The following ACVR1C variants were observed in gnomAD, a reference collection of about 807,000 sequenced individuals.
ACVR1C encodes activin receptor type-1C.
ACVR1C carries 23 observed loss-of-function variants against 57.9 expected under a neutral mutation model. The ratio of observed to expected loss-of-function variants is 0.40; its 90% CI spans 0.29 to 0.56. The LOEUF is 0.56. ACVR1C is among the 20% of genes least tolerant of loss of function. The pLI is 0.50. For missense variants in ACVR1C, 480 were observed against 607.9 expected (o/e 0.79, Z 2.21); for synonymous variants, 214 against 215.3 (o/e 0.99, Z 0.05).
chr2:157,599,213 A>G (rs1048772990), intron 1 of ACVR1C, among the ~76,000 whole-genome samples: 1 of 148,874 alleles, frequency 6.7e-6, no homozygotes, highest in Non-Finnish European at 1.5e-5. Flanking sequence ...GGGCGCCTAC[A>G]GTCCCAGGTA....
chr2:157,567,310 T>A (rs1356828137), intron 2 of ACVR1C, among the ~76,000 whole-genome samples: 1 of 106,274 alleles, frequency 9.4e-6, no homozygotes, highest in African/African-American at 4.3e-5. Context: ...ACCGAGCACC[T>A]CTCCTCCTCC....
At chr2:157,535,983 A>G (rs1206115989) in intron 8 of ACVR1C, among the ~76,000 whole-genome samples, 1 of 152,196 alleles carries the variant, frequency 6.6e-6, no homozygotes, top group Non-Finnish European at 1.5e-5. Flanking sequence ...CTTGGCACAT[A>G]CAAAGAGTCT....
At chr2:157,588,536 C>T (rs1558988776) in intron 1 of ACVR1C, among the ~76,000 whole-genome samples, 1 of 151,602 alleles carries the variant, frequency 6.6e-6, no homozygotes, top group Non-Finnish European at 1.5e-5. Flanking sequence ...TACCCATCAC[C>T]CAAATGGTGT....
intron 1 of ACVR1C, among the ~76,000 whole-genome samples, chr2:157,595,006 G>T (rs1053245485): frequency 2.0e-5 from 3 of 152,188 alleles, no homozygotes; most frequent in Admixed American, 2.0e-4. Flanking sequence ...TAGCATTTCT[G>T]CTTATCAGCG....
intron 4 of ACVR1C, among the ~76,000 whole-genome samples, chr2:157,546,781 T>C (rs559255075): frequency 2.0e-5 from 3 of 152,140 alleles, no homozygotes; most frequent in Non-Finnish European, 4.4e-5. Flanking sequence ...CAAGCATGGG[T>C]ACAATATTTT....
intron 1 of ACVR1C, among the ~76,000 whole-genome samples, chr2:157,607,686 T>C (rs185917406): frequency 1.3e-5 from 2 of 151,858 alleles, no homozygotes; most frequent in African/African-American, 4.8e-5. Flanking sequence ...TTTCACATTC[T>C]TGGTTAAGTT....
rs79260438 is a variant in ACVR1C, at chr2:157,590,755, C to T, written c.74-3338G>A. On this transcript the variant is annotated intron_variant, in intron 1 of 8. Coordinates refer to ENST00000243349, the MANE Select transcript of ACVR1C (RefSeq NM_145259.3). ...TTAGAACATGTTTCAAGGCACTTTCCTTGCAAAAAGAGAAGTCATATCATG... is the reference window on the plus strand; with the variant it reads ...TTAGAACATGTTTCAAGGCACTTTCTTTGCAAAAAGAGAAGTCATATCATG... Among the ~76,000 whole-genome samples the T allele has an allele frequency of 9.2e-5, 14 of 151,940 alleles. No homozygotes were observed. The East Asian group carries it at 2.5e-3, about 27-fold the overall frequency.
intron 3 of ACVR1C, among the ~76,000 whole-genome samples, chr2:157,552,128 T>TTTTG (rs769268253): frequency 9.2e-5 from 14 of 152,174 alleles, no homozygotes; most frequent in South Asian, 2.1e-4. Context: ...TGTTGGTTTG[T>TTTTG]TTTGTTTGTT....
At chr2:157,536,696 G>T (rs1453935192) in intron 8 of ACVR1C, among the ~76,000 whole-genome samples, 1 of 152,124 alleles carries the variant, frequency 6.6e-6, no homozygotes, top group Admixed American at 6.5e-5. Context: ...GTCAGAAAAT[G>T]ATTTGAGAGG....
In ACVR1C at chr2:157,531,049, C is replaced by G. The variant is rs1687339553; in HGVS notation, c.*2869G>C. ...GTAAGGAGTAAAGAACACTGATACTCTGAACATAACCTAAGGAGAATTTTT... is the reference window on the plus strand; with the variant it reads ...GTAAGGAGTAAAGAACACTGATACTGTGAACATAACCTAAGGAGAATTTTT... On this transcript the variant is annotated 3_prime_UTR_variant, in exon 9 of 9. Coordinates refer to ENST00000243349, the MANE Select transcript of ACVR1C (RefSeq NM_145259.3). 6.6e-6 allele frequency: 1 copy of G among 151,394 alleles called. No homozygotes were observed. Among genetic ancestry groups the G allele is most frequent in the African/African-American group, 2.4e-5 (1 of 41,206 alleles). 9.4% of individuals were successfully genotyped at this position (151,394 alleles called of 1,614,324 possible). A position where few individuals can be genotyped will look rare whatever the true frequency, so the allele number is the denominator to read the frequency against.
chr2:157,554,685 A>G (rs1424933947), intron 3 of ACVR1C, among the ~76,000 whole-genome samples: 1 of 152,186 alleles, frequency 6.6e-6, no homozygotes, highest in South Asian at 2.1e-4. Flanking sequence ...CATGCTAAAT[A>G]TGGATGCACA....
At chr2:157,546,218 G>A (rs1288884544) in intron 4 of ACVR1C, among the ~76,000 whole-genome samples, 1 of 152,172 alleles carries the variant, frequency 6.6e-6, no homozygotes, top group Non-Finnish European at 1.5e-5. Flanking sequence ...GATTAGGAGG[G>A]AAAAGAAAAC....
At chr2:157,605,121 C>A (rs1409897974) in intron 1 of ACVR1C, among the ~76,000 whole-genome samples, 1 of 151,254 alleles carries the variant, frequency 6.6e-6, no homozygotes, top group Non-Finnish European at 1.5e-5. Context: ...ATGAATGTAC[C>A]CATGTAATTT....
At chr2:157,592,191 C>CA (rs367890883) in intron 1 of ACVR1C, among the ~76,000 whole-genome samples, 2 of 151,980 alleles carry the variant, frequency 1.3e-5, no homozygotes, top group African/African-American at 4.8e-5. Context: ...CTAAAATAAA[C>CA]AATCTCACCT....
intron 2 of ACVR1C, among the ~76,000 whole-genome samples, chr2:157,578,736 T>A (rs1199996195): frequency 1.3e-5 from 2 of 152,224 alleles, no homozygotes; most frequent in East Asian, 3.8e-4. Flanking sequence ...CTATTTTCTT[T>A]CAAAATATTG....
At chr2:157,592,320 T>G (rs981710969) in intron 1 of ACVR1C, among the ~76,000 whole-genome samples, 2 of 152,070 alleles carry the variant, frequency 1.3e-5, no homozygotes, top group African/African-American at 4.8e-5. Flanking sequence ...TACCAAGGAT[T>G]TATGCGGATA....
intron 1 of ACVR1C, among the ~76,000 whole-genome samples, chr2:157,590,200 C>T (rs753480654): frequency 2.6e-5 from 4 of 151,808 alleles, no homozygotes; most frequent in Admixed American, 1.3e-4. Flanking sequence ...ATGAACTTTT[C>T]GTTAAATCAC....
intron 2 of ACVR1C, among the ~76,000 whole-genome samples, chr2:157,575,222 G>A (rs1243062011): frequency 1.4e-4 from 19 of 132,294 alleles, no homozygotes; most frequent in Admixed American, 1.2e-3. Flanking sequence ...TCCGCCTCCC[G>A]GGTTCAAGCG....
chr2:157,618,393 T>C (rs575887822), intron 1 of ACVR1C, among the ~76,000 whole-genome samples: 10 of 151,122 alleles, frequency 6.6e-5, no homozygotes, highest in African/African-American at 1.9e-4. Context: ...GAGGGGGAAA[T>C]GAAAGAGGAT....
Sources: gnomAD v4.1 joint callset for allele counts (sites outside exome capture counted in the v4.1 genomes callset) on GRCh38, gnomAD v4.1.1 for gene constraint, MANE v1.5 for transcripts, NCBI Gene and HGNC (gene_info 2026-07-23, HGNC 2026-07-21) for gene names.